Variants in ABCB11 observed in about 807,000 individuals in gnomAD.
ABCB11 encodes the protein ATP binding cassette subfamily B member 11.
In ABCB11, 95 loss-of-function variants were observed where a neutral mutation model predicts 148.0. The observed-to-expected ratio is 0.64, with a 90% CI of 0.54 to 0.76. The LOEUF is 0.76. ABCB11 is among the 30% of genes least tolerant of loss of function. The pLI is 0.00. For synonymous variants in ABCB11, 591 were observed against 555.4 expected (o/e 1.06, Z -0.90); for missense variants, 1,523 against 1,617.8 (o/e 0.94, Z 1.01).
chr2:168,923,398 T>C lies in ABCB11; in HGVS notation c.*224A>G. ...GGGTTTTCCCTCATATGGACCCTAG[T>C]TTCTTTCATTTTCTGTATACACATC... On this transcript the variant is annotated 3_prime_UTR_variant, in exon 28 of 28. Transcript: ENST00000650372. The C allele has an allele frequency of 1.7e-6, 1 of 591,250 alleles. No homozygotes were observed. The highest frequency in any genetic ancestry group is 3.0e-6 in the Non-Finnish European group (1 of 335,784). The allele number at this position is 591,250 out of a possible 1,614,324, so 36.6% of individuals were successfully genotyped here. A position where few individuals can be genotyped will look rare whatever the true frequency, so the allele number is the denominator to read the frequency against.
At chr2:169,003,340 GTGTGTGTGCATATATATATATA>G in intron 5 of ABCB11, among the ~76,000 whole-genome samples, 1 of 149,018 alleles carries the variant, frequency 6.7e-6, no homozygotes, top group East Asian at 2.0e-4. Context: ...GTGTGTGTGT[GTGTGTGTGCATATATATATATA>G]TGCACACACA....
Position 168,973,824 on chromosome 2 carries a change from T to G in ABCB11, c.1325A>C (p.Asn442Thr). The G allele has an allele frequency of 6.2e-7, 1 of 1,611,468 alleles. No homozygotes were observed. The highest frequency in any genetic ancestry group is 1.7e-5 in the Admixed American group (1 of 59,876). ...RPEVKILNDL[N>T]MVIKPGEMTA... is the part of the protein sequence containing the mutation. ...CATTTCCCCTGGTTTAATGACCATG[T>G]TGAGGTCATTTAGAATCTGGAGAAG... The change falls in exon 13 of 28, where the codon AAC becomes ACC. Residue 442 changes from asparagine to threonine, a missense_variant. Asn to Thr is a moderately conservative substitution (Grantham distance 65). Coordinates refer to ENST00000650372, the MANE Select transcript of ABCB11 (RefSeq NM_003742.4).
intron 19 of ABCB11, among the ~76,000 whole-genome samples, chr2:168,945,330 A>G (rs1692255704): frequency 6.6e-6 from 1 of 151,956 alleles, no homozygotes; most frequent in Non-Finnish European, 1.5e-5. Flanking sequence ...CATGCTAGTA[A>G]TTAAACGAAA....
intron 22 of ABCB11, 30 bp from the exon 23 acceptor site, chr2:168,935,455 C>A: frequency 6.3e-7 from 1 of 1,593,566 alleles, no homozygotes; most frequent in Non-Finnish European, 8.6e-7. Flanking sequence ...CTTAGGAATA[C>A]AAGGGCAGAA....
At chr2:168,957,575 CA>C (rs761829185) in intron 19 of ABCB11, among the ~76,000 whole-genome samples, 1 of 151,714 alleles carries the variant, frequency 6.6e-6, no homozygotes, top group Non-Finnish European at 1.5e-5. Flanking sequence ...CTATATAAGT[CA>C]AACTTTGTAC....
intron 10 of ABCB11, among the ~76,000 whole-genome samples, chr2:168,982,515 G>T (rs1237711988): frequency 6.6e-6 from 1 of 151,956 alleles, no homozygotes; most frequent in East Asian, 1.9e-4. Flanking sequence ...GCACCATTCA[G>T]GTCCCCTTCA....
Position 168,970,177 on chromosome 2 carries a change from C to G in ABCB11, c.1677G>C (p.Met559Ile), listed in dbSNP as rs759162499. Residue 559 changes from methionine (M) to isoleucine (I), a missense_variant, in exon 15 of 28, where the codon ATG becomes ATC. Met to Ile is a conservative substitution (Grantham distance 10, BLOSUM62 1). Coordinates refer to ENST00000650372, the MANE Select transcript of ABCB11 (RefSeq NM_003742.4). ...DTLVGEGGGQ[M>I]SGGQKQRVAI... ...CTACCCTTTGTTTCTGGCCACCACT[C>G]ATCTGGCCTCCTCCTTCTCCAACAA... 1.9e-6 allele frequency: 3 copies of G among 1,612,606 alleles called. No homozygotes were observed. Among genetic ancestry groups the G allele is most frequent in the Non-Finnish European group, 2.5e-6 (3 of 1,179,126 alleles).
At chr2:169,011,765 G>A (rs1695195946) in intron 5 of ABCB11, among the ~76,000 whole-genome samples, 1 of 152,094 alleles carries the variant, frequency 6.6e-6, no homozygotes, top group Non-Finnish European at 1.5e-5. Flanking sequence ...AGACCCAAGT[G>A]ATCTTCCCAT....
chr2:169,030,595 T>G (rs951193726), intron 1 of ABCB11, among the ~76,000 whole-genome samples: 1 of 152,236 alleles, frequency 6.6e-6, no homozygotes, highest in African/African-American at 2.4e-5. Context: ...TGAATAATAT[T>G]TGATCTCTGT....
intron 21 of ABCB11, among the ~76,000 whole-genome samples, chr2:168,938,638 C>T (rs1691931639): frequency 6.6e-6 from 1 of 151,996 alleles, no homozygotes; most frequent in South Asian, 2.1e-4. Context: ...GTACTTAATG[C>T]CATTCAGCTG....
chr2:168,936,130 C>T, intron 22 of ABCB11, 100 bp downstream of exon 22: 2 of 1,188,436 alleles, frequency 1.7e-6, no homozygotes, highest in Non-Finnish European at 2.4e-6. Context: ...GTCTTGTGGG[C>T]TGACAGCTTC....
chr2:168,936,233 T>A lies in ABCB11; in HGVS notation c.2811A>T (p.Gly937=), dbSNP rs192375476. The change falls in exon 22 of 28, where the codon GGA becomes GGT. Residue 937 remains glycine, a synonymous_variant. Coordinates refer to ENST00000650372, the MANE Select transcript of ABCB11 (RefSeq NM_003742.4). ...SRDKQALEMV[G]QITNEALSNI... ...AAAATTAGATCTGCAAGATTACCTG[T>A]CCCACCATCTCCAGGGCCTGCTTAT... 283 of 1,613,214 alleles carry A rather than the reference T, an allele frequency of 1.8e-4. 1 individual carries two copies. The African/African-American group carries it at 3.3e-3, about 19-fold the overall frequency.
chr2:168,981,173 G>A (rs1694124313), intron 10 of ABCB11, among the ~76,000 whole-genome samples: 1 of 152,138 alleles, frequency 6.6e-6, no homozygotes, highest in African/African-American at 2.4e-5. Context: ...TGTGGCTGGA[G>A]TGTCTGAACC....
At chr2:168,943,466 A>G (rs1466617553) in intron 21 of ABCB11, among the ~76,000 whole-genome samples, 2 of 152,054 alleles carry the variant, frequency 1.3e-5, no homozygotes, top group Non-Finnish European at 2.9e-5. Context: ...CCTTTAAGAC[A>G]TGACAGTAGA....
intron 5 of ABCB11, among the ~76,000 whole-genome samples, chr2:169,000,883 T>C (rs892864980): frequency 6.6e-6 from 1 of 152,162 alleles, no homozygotes; most frequent in Admixed American, 6.6e-5. Flanking sequence ...TTGTTCTCTC[T>C]GTTATTTCTG....
chr2:168,917,885 T>C (rs1346226001), downstream of ABCB11, among the ~76,000 whole-genome samples: 2 of 152,348 alleles, frequency 1.3e-5, no homozygotes, highest in East Asian at 1.9e-4. Flanking sequence ...TGAGCTAACA[T>C]GTGCTGTAAA....
At chr2:168,916,807 G>A (rs1201390806), downstream of ABCB11, among the ~76,000 whole-genome samples, 1 of 152,076 alleles carries the variant, frequency 6.6e-6, no homozygotes, top group Non-Finnish European at 1.5e-5. Context: ...TCTTAATTTT[G>A]TATTTCCTCT....
At chr2:168,932,205 G>C (rs1313286096) in intron 24 of ABCB11, among the ~76,000 whole-genome samples, 172 bp downstream of exon 24, 20 of 152,138 alleles carry the variant, frequency 1.3e-4, no homozygotes, top group Admixed American at 1.3e-3. Context: ...TCCCCACCCT[G>C]TGTCCATGTG....
Position 168,921,574 on chromosome 2 carries a change from A to AT in ABCB11, c.*2047dup, listed in dbSNP as rs1259011536. 6.6e-6 allele frequency among the ~76,000 whole-genome samples: 1 copy of AT among 152,078 alleles called. No individual in the cohort carries two copies. The highest frequency in any genetic ancestry group is 1.5e-5 in the Non-Finnish European group (1 of 68,000). The stretch of plus-strand genomic sequence containing the variant: ...TGACCCATTGAACACATTTATTACC[A>AT]TTTTTTGAGTGTTTTTCTAATCACT... On this transcript the variant is annotated 3_prime_UTR_variant, in exon 28 of 28. Transcript: ENST00000650372.
Sources: allele counts gnomAD v4.1 joint callset (sites outside exome capture counted in the v4.1 genomes callset), GRCh38; gene constraint gnomAD v4.1.1; transcripts MANE v1.5; gene names NCBI Gene and HGNC (gene_info 2026-07-23, HGNC 2026-07-21).